The following NDUFA10 variants were observed in gnomAD, a reference collection of about 807,000 sequenced individuals.
NDUFA10 encodes the protein NADH dehydrogenase [ubiquinone] 1 alpha subcomplex subunit 10, mitochondrial.
In NDUFA10, 40 loss-of-function variants were observed where a neutral mutation model predicts 47.8. The ratio of observed to expected loss-of-function variants is 0.84; its 90% CI spans 0.65 to 1.09. The LOEUF is 1.09. Among genes scored for constraint, NDUFA10 ranks in the 50% least tolerant of loss-of-function variants. The pLI, the probability that NDUFA10 is intolerant of heterozygous loss-of-function variation, is 0.00. For synonymous variants in NDUFA10, 183 were observed against 172.2 expected (o/e 1.06, Z -0.49); for missense variants, 413 against 451.1 (o/e 0.92, Z 0.76).
chr2:239,901,818 T>C (rs575502947), intron 4 of NDUFA10, among the ~76,000 whole-genome samples: 1 of 151,934 alleles, frequency 6.6e-6, no homozygotes, highest in East Asian at 1.9e-4. Flanking sequence ...AAGAAGTTGA[T>C]TCCAACCCTC....
chr2:240,017,360 C>A (rs1197504260), intron 4 of NDUFA10, among the ~76,000 whole-genome samples: 3 of 152,160 alleles, frequency 2.0e-5, no homozygotes, highest in South Asian at 2.1e-4. Context: ...TCTCCACCAT[C>A]CCCACACGTC....
Position 239,934,118 on chromosome 2 carries a change from A to G in NDUFA10, c.295-38804T>C, listed in dbSNP as rs146095328. On this transcript the variant is annotated intron_variant, in intron 4 of 5. Coordinates refer to the NDUFA10 transcript ENST00000419408. ...GCGATCCTCCTGCTGGCCTCAAGCA[A>G]TTCTCCTGCCTTGGCCTCCCAAAAT... Among the ~76,000 whole-genome samples the G allele has an allele frequency of 3.0e-3, 457 of 152,270 alleles. 1 individual carries two copies. The highest frequency in any genetic ancestry group is 0.011 in the African/African-American group (440 of 41,544).
intron 4 of NDUFA10, among the ~76,000 whole-genome samples, chr2:239,912,151 C>G (rs1369685342): frequency 6.6e-6 from 1 of 152,158 alleles, no homozygotes; most frequent in Non-Finnish European, 1.5e-5. Context: ...GGCCTCAGTC[C>G]TGAAGGAGGG....
rs780660900 is a variant in NDUFA10, at chr2:240,005,251, C to T, written c.849G>A (p.Trp283Ter). ...ATAAAGTGCGATTGTCCTGCTTGAG[C>T]CACGGCCCTTTATCGAACTTCAGGT... is the stretch of plus-strand genomic sequence containing the variant. ...IEYLKFDKGP[W>*]LKQDNRTLYH... Residue 283 changes from tryptophan (W) to a stop codon, truncating the protein, a stop_gained, in exon 8 of 10, where the codon TGG becomes TGA. Coordinates refer to ENST00000252711, the MANE Select transcript of NDUFA10 (RefSeq NM_004544.4). LOFTEE classifies it high-confidence loss of function. 6.2e-7 allele frequency: 1 copy of T among 1,614,146 alleles called. No individual in the cohort carries two copies. Among genetic ancestry groups the T allele is most frequent in the Non-Finnish European group, 8.5e-7 (1 of 1,180,010 alleles).
At chr2:239,934,016 C>T (rs1475104869) in intron 4 of NDUFA10, among the ~76,000 whole-genome samples, 2 of 152,074 alleles carry the variant, frequency 1.3e-5, no homozygotes, top group East Asian at 3.9e-4. Flanking sequence ...CACTGCCAGG[C>T]CCGGATAATT....
intron 4 of NDUFA10, chr2:240,017,791 G>A: frequency 6.5e-7 from 1 of 1,541,700 alleles, no homozygotes; most frequent in Non-Finnish European, 8.8e-7. Context: ...CCAGAAGCAG[G>A]CGCCTCCTCC....
At chr2:240,018,304 G>C in intron 4 of NDUFA10, 4 of 1,123,650 alleles carry the variant, frequency 3.6e-6, no homozygotes, top group Non-Finnish European at 5.0e-6. Context: ...AGCTGCGTGT[G>C]TTTGAGGTCC....
chr2:239,914,176 A>G (rs558258617), intron 4 of NDUFA10, among the ~76,000 whole-genome samples: 1 of 151,730 alleles, frequency 6.6e-6, no homozygotes, highest in African/African-American at 2.4e-5. Context: ...CACACACAGA[A>G]CACACACATA....
chr2:239,898,292 T>C (rs67010634), intron 4 of NDUFA10, among the ~76,000 whole-genome samples: 19,260 of 152,242 alleles, frequency 0.13, 1,330 homozygotes, highest in South Asian at 0.18. Flanking sequence ...TTTCCTACAG[T>C]ACCTAGAAAG....
chr2:239,911,038 C>T (rs544263114), intron 4 of NDUFA10, among the ~76,000 whole-genome samples: 1 of 152,328 alleles, frequency 6.6e-6, no homozygotes, highest in African/African-American at 2.4e-5. Context: ...GTGGTCTAGA[C>T]CCACCACACA....
intron 4 of NDUFA10, among the ~76,000 whole-genome samples, chr2:239,914,154 C>A (rs1364257085): frequency 2.0e-5 from 3 of 151,958 alleles, no homozygotes; most frequent in Non-Finnish European, 4.4e-5. Context: ...CAGAGATACA[C>A]AGAGATACAC....
intron 4 of NDUFA10, among the ~76,000 whole-genome samples, chr2:239,923,849 C>A (rs1694026739): frequency 6.6e-6 from 1 of 151,722 alleles, no homozygotes; most frequent in South Asian, 2.1e-4. Flanking sequence ...ATTAATAAAC[C>A]TCTAGCAAGA....
chr2:240,018,279 G>T (rs555610412), intron 4 of NDUFA10: 1 of 841,458 alleles, frequency 1.2e-6, no homozygotes, highest in South Asian at 1.7e-5. Flanking sequence ...GGGAGGCTGT[G>T]GGGGCTGCAC....
intron 9 of NDUFA10, among the ~76,000 whole-genome samples, chr2:239,963,793 G>A (rs1158346207): frequency 6.6e-6 from 1 of 152,226 alleles, no homozygotes; most frequent in African/African-American, 2.4e-5. Context: ...CTGGACAAGA[G>A]AAGAGGCCAA....
intron 4 of NDUFA10, among the ~76,000 whole-genome samples, chr2:239,905,317 C>A (rs1693630517): frequency 6.6e-6 from 1 of 152,196 alleles, no homozygotes; most frequent in African/African-American, 2.4e-5. Flanking sequence ...AGGGGCAGTG[C>A]TTCCAGTGGG....
Position 240,024,510 on chromosome 2 carries a change from C to T in NDUFA10, c.75+717G>A, listed in dbSNP as rs570815210. Among the ~76,000 whole-genome samples the T allele has an allele frequency of 5.9e-4, 90 of 152,322 alleles. No homozygotes were observed. In the Middle Eastern group the frequency reaches 0.01, roughly 17 times the overall value. Reference sequence around the variant, plus strand: ...AGGGGAATTTTTTAAGGCAGTGAAGCTACTCTGTACGAACCTATAATGGTG... The same window carrying T: ...AGGGGAATTTTTTAAGGCAGTGAAGTTACTCTGTACGAACCTATAATGGTG... On this transcript the variant is annotated intron_variant, in intron 1 of 9. Transcript: ENST00000252711.
chr2:240,000,082 C>T (rs1696643178), intron 8 of NDUFA10, among the ~76,000 whole-genome samples: 1 of 152,226 alleles, frequency 6.6e-6, no homozygotes, highest in African/African-American at 2.4e-5. Context: ...CAATTATGTA[C>T]AGTACAGAAT....
At chr2:239,976,687 C>T (rs1441144367) in intron 9 of NDUFA10, 1 of 152,228 alleles carries the variant, frequency 6.6e-6, no homozygotes, top group Non-Finnish European at 1.5e-5. Flanking sequence ...AGGTGGAGCT[C>T]CCGCCGACAG....
At chr2:239,892,976 G>A (rs1400761933) in intron 5 of NDUFA10, among the ~76,000 whole-genome samples, 1 of 152,220 alleles carries the variant, frequency 6.6e-6, no homozygotes, top group Non-Finnish European at 1.5e-5. Flanking sequence ...AAAGGAACGA[G>A]GGCAGAGAGC....
Sources: gnomAD v4.1 joint callset for allele counts (sites outside exome capture counted in the v4.1 genomes callset) on GRCh38, gnomAD v4.1.1 for gene constraint, MANE v1.5 for transcripts, NCBI Gene and HGNC (gene_info 2026-07-23, HGNC 2026-07-21) for gene names.